Variants in SIX2 observed in about 807,000 individuals in gnomAD.
SIX2 encodes homeobox protein SIX2.
SIX2 carries 20 observed loss-of-function variants against 22.8 expected under a neutral mutation model. The ratio of observed to expected loss-of-function variants is 0.88; its 90% CI spans 0.62 to 1.28. SIX2 has a LOEUF of 1.28. SIX2 is among the 50% of genes most tolerant of loss of function. SIX2 has a pLI of 0.00. For synonymous variants in SIX2, 195 were observed against 186.4 expected (o/e 1.05, Z -0.37); for missense variants, 360 against 400.0 (o/e 0.90, Z 0.85).
rs1572648051 is a variant in SIX2 at position 45,006,078 on chromosome 2, T to G, written c.*92A>C. ...AGCCTGCGGGTCTTTCAGTACCTGG[T>G]GGGGCCGCAGGGGCGGGGCGCCCCT... On this transcript the variant is annotated 3_prime_UTR_variant, in exon 2 of 2. Transcript: ENST00000303077. This position sits in a 1 kb window ranked among gnomAD's most constrained non-coding sequence, Gnocchi z 4.2. 6 of 1,374,834 alleles carry G rather than the reference T, an allele frequency of 4.4e-6. No individual in the cohort carries two copies. Among genetic ancestry groups the G allele is most frequent in the Non-Finnish European group, 6.2e-6 (6 of 961,660 alleles). The allele number at this position is 1,374,834 out of a possible 1,614,324, so 85.2% of individuals were successfully genotyped here.
In SIX2 at chr2:45,008,542, TACTC is replaced by T. The variant is rs1356729843; in HGVS notation, c.560+5_560+8del. 2 of 1,613,054 alleles carry T rather than the reference TACTC, an allele frequency of 1.2e-6. No homozygotes were observed. The highest frequency in any genetic ancestry group is 2.2e-5 in the East Asian group (1 of 44,882). On this transcript the variant is annotated splice_donor_5th_base_variant and intron_variant, in intron 1 of 1. Transcript: ENST00000303077. ...GAGCTGGCGCCGAAGAAGGTCTACT[TACTC>T]GTACCTTTCCTTGGCCTCGGCCGCC...
In SIX2 at chr2:45,008,810, G is replaced by T. The variant is rs1373747192; in HGVS notation, c.301C>A (p.Arg101=). Residue 101 remains arginine (R), a synonymous_variant, in exon 1 of 2, where the codon CGA becomes AGA. Coordinates refer to ENST00000303077, the MANE Select transcript of SIX2 (RefSeq NM_016932.5). ...TATTTGCCCACGGCGCCCAGGGGTCGGCCGCGCAGCTTCTCCGCCTCGATG... is the reference window on the plus strand; with the variant it reads ...TATTTGCCCACGGCGCCCAGGGGTCTGCCGCGCAGCTTCTCCGCCTCGATG... ...HYIEAEKLRG[R]PLGAVGKYRV... 1.2e-6 allele frequency: 2 copies of T among 1,613,870 alleles called. No individual in the cohort carries two copies. The highest frequency in any genetic ancestry group is 1.7e-5 in the Admixed American group (1 of 60,030).
chr2:45,005,589 G>A lies in SIX2; in HGVS notation c.*581C>T, dbSNP rs1043087734. On this transcript the variant is annotated 3_prime_UTR_variant, in exon 2 of 2. Transcript: ENST00000303077. Reference sequence around the variant, plus strand: ...CTCTCCCACCCCCTACTCCGGTAAAGCGAGGGCCAGAGGTAGGGGCAGATA... The same window carrying A: ...CTCTCCCACCCCCTACTCCGGTAAAACGAGGGCCAGAGGTAGGGGCAGATA... 1 of 166,768 alleles carries A rather than the reference G, an allele frequency of 6.0e-6. No individual in the cohort carries two copies. The highest frequency in any genetic ancestry group is 1.3e-5 in the Non-Finnish European group (1 of 75,400). The allele number at this position is 166,768 out of a possible 1,614,324, so 10.3% of individuals were successfully genotyped here.
rs1424400501 is a variant in SIX2, at chr2:45,009,183, G to A, written c.-73C>T. The A allele has an allele frequency of 1.0e-5, 13 of 1,291,928 alleles. No homozygotes were observed. In the Admixed American group the frequency reaches 4.4e-4, roughly 44 times the overall value. The allele number at this position is 1,291,928 out of a possible 1,614,324, so 80.0% of individuals were successfully genotyped here. On this transcript the variant is annotated 5_prime_UTR_variant, in exon 1 of 2. Transcript: ENST00000303077. ...CGCGGTCCCGCATGGGAGCTTCCTC[G>A]CCGGGCCGTCCGGGCCGAGACGCGG...
chr2:45,008,628 C>T lies in SIX2; in HGVS notation c.483G>A (p.Thr161=). 1.2e-6 allele frequency: 2 copies of T among 1,614,032 alleles called. No homozygotes were observed. The highest frequency in any genetic ancestry group is 1.7e-6 in the Non-Finnish European group (2 of 1,179,958). Residue 161 remains threonine, a synonymous_variant, in exon 1 of 2, where the codon ACG becomes ACA. Transcript: ENST00000303077. The part of the protein sequence containing the change: ...PREKRELAEA[T]GLTTTQVSNW... ...TGCTGACCTGTGTGGTGGTGAGGCC[C>T]GTGGCCTCCGCCAGCTCACGCTTCT...
intron 1 of SIX2, among the ~76,000 whole-genome samples, 161 bp downstream of exon 1, chr2:45,008,390 A>G (rs1667806947): frequency 6.6e-6 from 1 of 152,282 alleles, no homozygotes; most frequent in Non-Finnish European, 1.5e-5. Context: ...TCTCCGGCAT[A>G]GAAAGGCCTA....
chr2:45,006,592 G>A lies in SIX2; in HGVS notation c.561-107C>T, dbSNP rs550847012. On this transcript the variant is annotated intron_variant, in intron 1 of 1. Transcript: ENST00000303077. This position sits in a 1 kb window ranked among gnomAD's most constrained non-coding sequence, Gnocchi z 4.2. ...CCACCAGCCTCGGGAGACAGATCCC[G>A]GGCTTGTGGCCTGCGGGTGTTTTCG... The A allele has an allele frequency of 2.0e-4, 226 of 1,105,980 alleles. 1 individual carries two copies. Among genetic ancestry groups the A allele is most frequent in the South Asian group, 3.4e-4 (27 of 80,220 alleles). 68.5% of individuals were successfully genotyped at this position (1,105,980 alleles called of 1,614,324 possible). A position where few individuals can be genotyped will look rare whatever the true frequency, so the allele number is the denominator to read the frequency against.
In SIX2 at chr2:45,008,634, C is replaced by T. The variant is rs1352666591; in HGVS notation, c.477G>A (p.Glu159=). The change falls in exon 1 of 2, where the codon GAG becomes GAA. Residue 159 remains glutamate (E), a synonymous_variant. Transcript: ENST00000303077. ...PSPREKRELA[E]ATGLTTTQVS... The stretch of plus-strand genomic sequence containing the variant: ...CCTGTGTGGTGGTGAGGCCCGTGGC[C>T]TCCGCCAGCTCACGCTTCTCGCGGG... 2 of 1,614,066 alleles carry T rather than the reference C, an allele frequency of 1.2e-6. No individual in the cohort carries two copies. Among genetic ancestry groups the T allele is most frequent in the Admixed American group, 1.7e-5 (1 of 60,030 alleles).
chr2:45,009,333 C>G lies in SIX2; in HGVS notation c.-223G>C. The G allele has an allele frequency of 4.7e-6, 1 of 214,308 alleles. No individual in the cohort carries two copies. The highest frequency in any genetic ancestry group is 8.8e-6 in the Non-Finnish European group (1 of 113,634). The allele number at this position is 214,308 out of a possible 1,614,324, so 13.3% of individuals were successfully genotyped here. ...CAACGGCCCGCGCGCCTGGCCCAAG[C>G]CCTCGCCCAAGCCCGGGGGCCGCCC... On this transcript the variant is annotated 5_prime_UTR_variant, in exon 1 of 2. Coordinates refer to ENST00000303077, the MANE Select transcript of SIX2 (RefSeq NM_016932.5).
In SIX2 at chr2:45,008,886, G is replaced by A. The variant is rs1357359319; in HGVS notation, c.225C>T (p.Phe75=). The stretch of plus-strand genomic sequence containing the variant: ...GCAGCTTGGCGTGGTTGTGCGGCGA[G>A]AACTGGTGGCTCTCCAGGATCTTGT... ...ELYKILESHQ[F]SPHNHAKLQQ... is the part of the protein sequence containing the mutation. Residue 75 remains phenylalanine (F), a synonymous_variant, in exon 1 of 2, where the codon TTC becomes TTT. Transcript: ENST00000303077. 4.3e-6 allele frequency: 7 copies of A among 1,614,032 alleles called. No individual in the cohort carries two copies. The highest frequency in any genetic ancestry group is 5.9e-6 in the Non-Finnish European group (7 of 1,179,988).
Position 45,006,329 on chromosome 2 carries a change from C to T in SIX2, c.717G>A (p.Gly239=). 3 of 1,613,958 alleles carry T rather than the reference C, an allele frequency of 1.9e-6. No individual in the cohort carries two copies. Among genetic ancestry groups the T allele is most frequent in the Non-Finnish European group, 2.5e-6 (3 of 1,179,848 alleles). The change falls in exon 2 of 2, where the codon GGG becomes GGA. Residue 239 remains glycine, a synonymous_variant. Transcript: ENST00000303077. This position sits in a 1 kb window ranked among gnomAD's most constrained non-coding sequence, Gnocchi z 4.2. ...PALLLSPPPP[G]LPSLHSLGHP... Reference sequence around the variant, plus strand: ...GGCCCAGGCTGTGCAGGGACGGCAGCCCAGGGGGCGGCGGGCTGAGGAGCA... The same window carrying T: ...GGCCCAGGCTGTGCAGGGACGGCAGTCCAGGGGGCGGCGGGCTGAGGAGCA...
In SIX2 at chr2:45,008,679, C is replaced by T. The variant is rs747117944; in HGVS notation, c.432G>A (p.Ala144=). ...CGCGGGGTGAAGGGTAGGGGTTGTGCGCGTACCACTCGCGCAGCACGCTGC... is the reference window on the plus strand; with the variant it reads ...CGCGGGGTGAAGGGTAGGGGTTGTGTGCGTACCACTCGCGCAGCACGCTGC... The part of the protein sequence containing the change: ...KSRSVLREWY[A]HNPYPSPREK... The change falls in exon 1 of 2, where the codon GCG becomes GCA. Residue 144 remains alanine, a synonymous_variant. Transcript: ENST00000303077. 1.2e-6 allele frequency: 2 copies of T among 1,614,076 alleles called. No individual in the cohort carries two copies. Among genetic ancestry groups the T allele is most frequent in the East Asian group, 4.5e-5 (2 of 44,876 alleles).
chr2:45,009,191 G>T lies in SIX2; in HGVS notation c.-81C>A. The T allele has an allele frequency of 8.1e-7, 1 of 1,234,468 alleles. No individual in the cohort carries two copies. The highest frequency in any genetic ancestry group is 1.0e-6 in the Non-Finnish European group (1 of 972,120). 76.5% of individuals were successfully genotyped at this position (1,234,468 alleles called of 1,614,324 possible). A position where few individuals can be genotyped will look rare whatever the true frequency, so the allele number is the denominator to read the frequency against. On this transcript the variant is annotated 5_prime_UTR_variant, in exon 1 of 2. Transcript: ENST00000303077. Reference sequence around the variant, plus strand: ...CGCATGGGAGCTTCCTCGCCGGGCCGTCCGGGCCGAGACGCGGGCGGGGCT... The same window carrying T: ...CGCATGGGAGCTTCCTCGCCGGGCCTTCCGGGCCGAGACGCGGGCGGGGCT...
At position 45,005,652 on chromosome 2, in the gene SIX2, G is replaced by T. The variant is rs1351955762; in HGVS notation, c.*518C>A. The T allele has an allele frequency of 5.1e-6, 1 of 196,126 alleles. No homozygotes were observed. Among genetic ancestry groups the T allele is most frequent in the Non-Finnish European group, 1.1e-5 (1 of 94,192 alleles). 12.1% of individuals were successfully genotyped at this position (196,126 alleles called of 1,614,324 possible). A position where few individuals can be genotyped will look rare whatever the true frequency, so the allele number is the denominator to read the frequency against. ...GGAGGAGAAAGACAGGGGTACATAC[G>T]GAGGGACCAGGACACAGAGTACAAG... On this transcript the variant is annotated 3_prime_UTR_variant, in exon 2 of 2. Coordinates refer to ENST00000303077, the MANE Select transcript of SIX2 (RefSeq NM_016932.5).
chr2:45,006,476 G>A lies in SIX2; in HGVS notation c.570C>T (p.Asn190=), dbSNP rs754121582. 1.8e-5 allele frequency: 29 copies of A among 1,613,248 alleles called. No individual in the cohort carries two copies. Among genetic ancestry groups the A allele is most frequent in the African/African-American group, 5.3e-5 (4 of 74,868 alleles). ...TGTGGCTGTTAGAATTGGAGTTCTC[G>A]TTGTTCTCCCTGCAAGTGCGGGAGC... is the stretch of plus-strand genomic sequence containing the variant. ...RAAEAKEREN[N]ENSNSNSHNP... The change falls in exon 2 of 2, where the codon AAC becomes AAT. Residue 190 remains asparagine, a synonymous_variant. Transcript: ENST00000303077. This position sits in a 1 kb window ranked among gnomAD's most constrained non-coding sequence, Gnocchi z 4.2.
intron 1 of SIX2, 76 bp downstream of exon 1, chr2:45,008,475 G>A: frequency 6.6e-7 from 1 of 1,509,140 alleles, no homozygotes; most frequent in South Asian, 1.1e-5. Context: ...CCTCTCCGGG[G>A]GACCGGCAGA....
rs1374246345 is a variant in SIX2, at chr2:45,009,214, G to C, written c.-104C>G. On this transcript the variant is annotated 5_prime_UTR_variant, in exon 1 of 2. Coordinates refer to ENST00000303077, the MANE Select transcript of SIX2 (RefSeq NM_016932.5). ...CCGTCCGGGCCGAGACGCGGGCGGGGCTGGCCCCCTGGCCCGGCACTGGCC... is the reference window on the plus strand; with the variant it reads ...CCGTCCGGGCCGAGACGCGGGCGGGCCTGGCCCCCTGGCCCGGCACTGGCC... The C allele has an allele frequency of 1.0e-6, 1 of 992,762 alleles. No homozygotes were observed. Among genetic ancestry groups the C allele is most frequent in the African/African-American group, 1.7e-5 (1 of 57,926 alleles). 61.5% of individuals were successfully genotyped at this position (992,762 alleles called of 1,614,324 possible).
chr2:45,009,058 C>T lies in SIX2; in HGVS notation c.53G>A (p.Cys18Tyr), dbSNP rs1348763009. Reference sequence around the variant, plus strand: ...GTTGCCGCCCTGCTGCAGCACCTCGCACACGCACGCCACTTGCTCCTGCGT... The same window carrying T: ...GTTGCCGCCCTGCTGCAGCACCTCGTACACGCACGCCACTTGCTCCTGCGT... ...GFTQEQVACV[C>Y]EVLQQGGNIE... Residue 18 changes from cysteine to tyrosine, a missense_variant, in exon 1 of 2, where the codon TGC becomes TAC. Physicochemically the swap from Cys to Tyr is radical, Grantham distance 194. Coordinates refer to ENST00000303077, the MANE Select transcript of SIX2 (RefSeq NM_016932.5). 1 of 1,603,770 alleles carries T rather than the reference C, an allele frequency of 6.2e-7. No homozygotes were observed.
Position 45,005,813 on chromosome 2 carries a change from A to G in SIX2, c.*357T>C. On this transcript the variant is annotated 3_prime_UTR_variant, in exon 2 of 2. Transcript: ENST00000303077. ...GAGAGGGAGAAAGACAGAAAGCAGAAAAAAGAAAAGAGAAGGAAGGGAAAG... is the reference window on the plus strand; with the variant it reads ...GAGAGGGAGAAAGACAGAAAGCAGAGAAAAGAAAAGAGAAGGAAGGGAAAG... The G allele has an allele frequency of 2.6e-6, 1 of 389,220 alleles. No individual in the cohort carries two copies. The highest frequency in any genetic ancestry group is 4.8e-6 in the Non-Finnish European group (1 of 207,546). The allele number at this position is 389,220 out of a possible 1,614,324, so 24.1% of individuals were successfully genotyped here.
Sources: gnomAD v4.1 joint callset for allele counts (sites outside exome capture counted in the v4.1 genomes callset) on GRCh38, gnomAD v4.1.1 for gene constraint, Gnocchi (gnomAD v3.1) non-coding constraint, MANE v1.5 for transcripts, NCBI Gene and HGNC (gene_info 2026-07-23, HGNC 2026-07-21) for gene names.